Variants in IQCB1 observed in about 807,000 individuals in gnomAD.
IQCB1 encodes the protein IQ motif containing B1, also known as IQ calmodulin-binding motif-containing protein 1.
IQCB1 carries 56 observed loss-of-function variants against 84.4 expected under a neutral mutation model. The observed-to-expected ratio is 0.66, with a 90% CI of 0.54 to 0.83. The LOEUF (loss-of-function observed/expected upper bound fraction) is 0.83, where lower values mean the gene tolerates loss of function less well. Ranked by LOEUF, IQCB1 falls within the 40% of genes least tolerant of loss-of-function variation. The pLI is 0.00. For missense variants in IQCB1, 629 were observed against 682.1 expected, an observed-to-expected ratio of 0.92 and a Z score of 0.87; for synonymous variants, 210 against 234.8, an observed-to-expected ratio of 0.89 and a Z score of 0.96.
At chr3:121,770,628 T>C (rs768587698) in intron 14 of IQCB1, 54 bp from the exon 15 acceptor site, 139 of 1,383,142 alleles carry the variant, frequency 1.0e-4, no homozygotes, top group Admixed American at 3.4e-5. Flanking sequence ...GCCAAGCAGG[T>C]AGGAACTTGG....
rs760743874 is a variant in IQCB1 at position 121,795,504 on chromosome 3, T to A, written c.939A>T (p.Arg313Ser). Residue 313 changes from arginine (R) to serine (S), a missense_variant, in exon 10 of 15, where the codon AGA (arginine) becomes AGT (serine). Coordinates refer to ENST00000310864, the MANE Select transcript of IQCB1 (RefSeq NM_001023570.4). Reference sequence around the variant, plus strand: ...TCACAGCAGATGGAAGCTTCTTTAATCTCTTTCTTGTCTGAAAACCCTTCC... The same window carrying A: ...TCACAGCAGATGGAAGCTTCTTTAAACTCTTTCTTGTCTGAAAACCCTTCC... Reference protein sequence around the residue: ...AYWKGFQTRKRLKKLPSAVIA... With the variant: ...AYWKGFQTRKSLKKLPSAVIA... 5.0e-6 allele frequency: 8 copies of A among 1,610,624 alleles called. No individual in the cohort carries two copies. The highest frequency in any genetic ancestry group is 5.9e-6 in the Non-Finnish European group (7 of 1,177,954).
intron 13 of IQCB1, among the ~76,000 whole-genome samples, chr3:121,773,805 T>A (rs1224551556): frequency 6.6e-6 from 1 of 151,896 alleles, no homozygotes; most frequent in South Asian, 2.1e-4. Context: ...GTAAAACTCC[T>A]AGAAGAAAAC....
At chr3:121,816,071 T>C (rs1467959527) in intron 5 of IQCB1, among the ~76,000 whole-genome samples, 1 of 151,448 alleles carries the variant, frequency 6.6e-6, no homozygotes, top group South Asian at 2.1e-4. Context: ...TCAAAACACA[T>C]ATATAGACCA....
In IQCB1 at chr3:121,828,975, A is replaced by G. The variant is rs1215437237; in HGVS notation, c.-12-3T>C. 4.8e-6 allele frequency: 7 copies of G among 1,472,188 alleles called. No individual in the cohort carries two copies. Among genetic ancestry groups the G allele is most frequent in the Middle Eastern group, 1.9e-4 (1 of 5,196 alleles). 91.2% of individuals were successfully genotyped at this position (1,472,188 alleles called of 1,614,324 possible). A position where few individuals can be genotyped will look rare whatever the true frequency, so the allele number is the denominator to read the frequency against. On this transcript the variant is annotated splice_region_variant and splice_polypyrimidine_tract_variant and intron_variant, in intron 2 of 14. Transcript: ENST00000310864. ...GTTGGCTTCATTTCTCTTATTACCT[A>G]TATTTTAACAGAATCAGAGAATAAA...
rs867696050 is a variant in IQCB1, at chr3:121,770,358, G to A, written c.1784C>T (p.Thr595Ile). 6.2e-7 allele frequency: 1 copy of A among 1,608,874 alleles called. No homozygotes were observed. Among genetic ancestry groups the A allele is most frequent in the Non-Finnish European group, 8.5e-7 (1 of 1,175,326 alleles). ...TAGGGTTACTCACTAAGGTGGTTTG[G>A]TTCCACCAATGAATAAATTTTCTAA... The part of the protein sequence containing the change: ...IELENLFIGG[T>I]KPP The change falls in exon 15 of 15, where the codon ACC (threonine) becomes ATC (isoleucine). Residue 595 changes from threonine (T) to isoleucine (I), a missense_variant. Physicochemically the swap from Thr to Ile is moderately conservative, Grantham distance 89. Coordinates refer to ENST00000310864, the MANE Select transcript of IQCB1 (RefSeq NM_001023570.4).
At chr3:121,776,457 T>C (rs138488951) in intron 13 of IQCB1, among the ~76,000 whole-genome samples, 270 of 152,358 alleles carry the variant, frequency 1.8e-3, no homozygotes, top group African/African-American at 6.2e-3. Context: ...TTGTACTCTT[T>C]TACATTCCCC....
intron 4 of IQCB1, 50 bp downstream of exon 4, chr3:121,828,420 A>AATCAACTACT (rs1309955509): frequency 6.7e-7 from 1 of 1,492,880 alleles, no homozygotes; most frequent in Non-Finnish European, 9.3e-7. Context: ...TGAAAATCAG[A>AATCAACTACT]ATCAACTACT....
At chr3:121,808,418 TA>T (rs1315318661) in intron 6 of IQCB1, among the ~76,000 whole-genome samples, 1 of 151,904 alleles carries the variant, frequency 6.6e-6, no homozygotes, top group African/African-American at 2.4e-5. Flanking sequence ...TAAGAAAACA[TA>T]AAACTCATAC....
chr3:121,789,346 C>T (rs1948864150), intron 11 of IQCB1, among the ~76,000 whole-genome samples: 1 of 152,196 alleles, frequency 6.6e-6, no homozygotes. Flanking sequence ...TACAACCTTT[C>T]ATTTTTGTAA....
chr3:121,809,380 C>A (rs553198532), intron 5 of IQCB1, among the ~76,000 whole-genome samples: 1 of 151,968 alleles, frequency 6.6e-6, no homozygotes, highest in Non-Finnish European at 1.5e-5. Context: ...CAAAGGCAGT[C>A]TGGATATCTG....
At chr3:121,781,524 A>G (rs1010998903) in intron 13 of IQCB1, among the ~76,000 whole-genome samples, 3 of 152,156 alleles carry the variant, frequency 2.0e-5, no homozygotes, top group Non-Finnish European at 4.4e-5. Flanking sequence ...GATTTAAAGC[A>G]GAGTCTCCTT....
chr3:121,799,217 T>A lies in IQCB1; in HGVS notation c.745A>T (p.Arg249Ter). The change falls in exon 8 of 15, where the codon AGA becomes TGA. Residue 249 changes from arginine (R) to a stop codon, truncating the protein, a stop_gained. Coordinates refer to ENST00000310864, the MANE Select transcript of IQCB1 (RefSeq NM_001023570.4). LOFTEE classifies it high-confidence loss of function. ...ESHQEILILLRQSTCYKGLRR... is the reference protein window; with the variant it reads ...ESHQEILILL Reference sequence around the variant, plus strand: ...CTACCTTTGTAGCAGGTACTTTGTCTCAGTAAAATCAAAATTTCCTGATGG... The same window carrying A: ...CTACCTTTGTAGCAGGTACTTTGTCACAGTAAAATCAAAATTTCCTGATGG... The A allele has an allele frequency of 2.5e-6, 4 of 1,609,850 alleles. No homozygotes were observed. The South Asian group carries it at 3.3e-5, about 13-fold the overall frequency.
At chr3:121,831,448 T>C (rs1447233046) in intron 2 of IQCB1, among the ~76,000 whole-genome samples, 1 of 152,186 alleles carries the variant, frequency 6.6e-6, no homozygotes, top group Non-Finnish European at 1.5e-5. Context: ...TTAGCTCCTC[T>C]AGCAAATTAA....
intron 4 of IQCB1, among the ~76,000 whole-genome samples, chr3:121,826,966 A>G (rs1950485384): frequency 6.6e-6 from 1 of 152,150 alleles, no homozygotes; most frequent in Non-Finnish European, 1.5e-5. Context: ...AATAAGCAAT[A>G]ACAACTATGT....
intron 7 of IQCB1, among the ~76,000 whole-genome samples, chr3:121,801,014 A>G (rs756149358): frequency 1.3e-5 from 2 of 151,958 alleles, no homozygotes; most frequent in Non-Finnish European, 2.9e-5. Flanking sequence ...TCTGTGATAC[A>G]AAGTTCTGGT....
intron 7 of IQCB1, among the ~76,000 whole-genome samples, chr3:121,804,021 G>T (rs1177688739): frequency 6.6e-6 from 1 of 151,230 alleles, no homozygotes; most frequent in South Asian, 2.1e-4. Flanking sequence ...TCTGGATTGC[G>T]TATTTTTTAA....
intron 5 of IQCB1, among the ~76,000 whole-genome samples, chr3:121,820,652 A>C (rs945025984): frequency 2.0e-5 from 3 of 152,164 alleles, no homozygotes; most frequent in Non-Finnish European, 4.4e-5. Context: ...CCTCTGGCTT[A>C]TCACTTCTCT....
chr3:121,776,144 C>T (rs2108513309), intron 13 of IQCB1, among the ~76,000 whole-genome samples: 1 of 152,144 alleles, frequency 6.6e-6, no homozygotes, highest in South Asian at 2.1e-4. Context: ...ACTGCAGCCT[C>T]GAACTCCTGG....
At chr3:121,773,518 G>C (rs1385012335) in intron 13 of IQCB1, among the ~76,000 whole-genome samples, 1 of 152,040 alleles carries the variant, frequency 6.6e-6, no homozygotes, top group African/African-American at 2.4e-5. Flanking sequence ...AATTTAAGGG[G>C]AACTTAACTG....
Sources: gnomAD v4.1 joint callset for allele counts (sites outside exome capture counted in the v4.1 genomes callset) on GRCh38, gnomAD v4.1.1 for gene constraint, MANE v1.5 for transcripts, NCBI Gene and HGNC (gene_info 2026-07-23, HGNC 2026-07-21) for gene names.